Variants in OPHN1 observed in about 807,000 individuals in gnomAD.
OPHN1 encodes the protein oligophrenin-1.
A neutral mutation model predicts 60.7 loss-of-function variants in OPHN1; 11 were observed. The observed-to-expected ratio is 0.18, with a 90% confidence interval of 0.11 to 0.30. OPHN1 has a LOEUF of 0.30. Ranked by LOEUF, OPHN1 falls within the 10% of genes least tolerant of loss-of-function variation. OPHN1 has a pLI of 1.00. For missense variants in OPHN1, 449 were observed against 611.0 expected (o/e 0.73, Z 2.80); for synonymous variants, 226 against 222.6 (o/e 1.02, Z -0.14).
intron 4 of OPHN1, among the ~76,000 whole-genome samples, chrX:68,276,695 G>T (rs1388046596): frequency 9.0e-6 from 1 of 110,814 alleles, no homozygotes; most frequent in Non-Finnish European, 1.9e-5. Flanking sequence ...AATGTGAGTG[G>T]GCTTGTTAAT....
At chrX:68,290,616 AG>A (rs939418684) in intron 3 of OPHN1, among the ~76,000 whole-genome samples, 1 of 108,770 alleles carries the variant, frequency 9.2e-6, no homozygotes, top group African/African-American at 3.4e-5. Context: ...AAAGAAAGAA[AG>A]GGAAAAAAAA....
At chrX:68,084,387 C>T (rs778913247) in intron 19 of OPHN1, among the ~76,000 whole-genome samples, 3 of 65,067 alleles carry the variant, frequency 4.6e-5, no homozygotes, top group East Asian at 9.2e-4. Context: ...ACGGAGGGAA[C>T]GGAGGGAGAG....
intron 20 of OPHN1, chrX:68,070,768 C>T (rs765815498): frequency 1.1e-4 from 123 of 1,150,607 alleles, no homozygotes; most frequent in Non-Finnish European, 1.4e-4. Context: ...AGGACCATTC[C>T]ACACAATCTG....
chrX:68,161,940 G>T lies in OPHN1; in HGVS notation c.1276+30979C>A, dbSNP rs146835946. 6.8e-4 allele frequency among the ~76,000 whole-genome samples: 76 copies of T among 111,237 alleles called. 1 individual carries two copies. The East Asian group carries it at 0.012, about 18-fold the overall frequency. On this transcript the variant is annotated intron_variant, in intron 15 of 24. Transcript: ENST00000355520. ...GCACAGCAACATGAATGAATCTCTAGGTGATAATGTTGAGTAAAAAAAGAA... is the reference window on the plus strand; with the variant it reads ...GCACAGCAACATGAATGAATCTCTATGTGATAATGTTGAGTAAAAAAAGAA...
intron 2 of OPHN1, among the ~76,000 whole-genome samples, chrX:68,385,716 TAC>T (rs941576850): frequency 8.9e-5 from 10 of 111,941 alleles, no homozygotes; most frequent in African/African-American, 2.6e-4. Context: ...CTCACACATA[TAC>T]ACACACACAC....
chrX:68,229,282 T>C (rs991767035), intron 6 of OPHN1, among the ~76,000 whole-genome samples: 1 of 111,617 alleles, frequency 9.0e-6, no homozygotes, highest in Non-Finnish European at 1.9e-5. Context: ...GAAATGGAAG[T>C]ACATTCCATG....
intron 8 of OPHN1, 79 bp downstream of exon 8, chrX:68,212,029 T>C (rs975561867): frequency 2.9e-6 from 2 of 700,466 alleles, no homozygotes; most frequent in Non-Finnish European, 2.2e-6. Flanking sequence ...TAACCTAGAA[T>C]TCCAAGAATC....
chrX:68,230,824 T>G, intron 6 of OPHN1, among the ~76,000 whole-genome samples: 1 of 107,233 alleles, frequency 9.3e-6, no homozygotes. Context: ...AATGATGAGT[T>G]AATGGGTGCA....
chrX:68,172,956 C>T (rs2077398293), intron 15 of OPHN1, among the ~76,000 whole-genome samples: 1 of 111,121 alleles, frequency 9.0e-6, no homozygotes, highest in African/African-American at 3.3e-5. Context: ...TAGACAATTG[C>T]CTCCTGATGA....
At chrX:68,405,383 G>T (rs1440770553) in intron 2 of OPHN1, among the ~76,000 whole-genome samples, 2 of 111,627 alleles carry the variant, frequency 1.8e-5, no homozygotes, top group African/African-American at 6.5e-5. Flanking sequence ...TAGAGCGGAG[G>T]TCTCACTATG....
intron 10 of OPHN1, among the ~76,000 whole-genome samples, chrX:68,202,698 T>C (rs1195554214): frequency 9.2e-6 from 1 of 109,276 alleles, no homozygotes; most frequent in Non-Finnish European, 1.9e-5. Context: ...GATTTCACCA[T>C]GTTGGTCAGG....
At chrX:68,277,588 G>A (rs754043450) in intron 4 of OPHN1, among the ~76,000 whole-genome samples, 4 of 111,716 alleles carry the variant, frequency 3.6e-5, no homozygotes, top group African/African-American at 3.3e-5. Context: ...TCAGGGGTTC[G>A]AGACCAGCCT....
At chrX:68,178,440 A>G in intron 15 of OPHN1, among the ~76,000 whole-genome samples, 1 of 111,424 alleles carries the variant, frequency 9.0e-6, no homozygotes, top group African/African-American at 3.3e-5. Context: ...ATCTCTCTCT[A>G]CCACCTGGGC....
chrX:68,268,642 T>C (rs2077947600), intron 5 of OPHN1, among the ~76,000 whole-genome samples: 1 of 111,492 alleles, frequency 9.0e-6, no homozygotes, highest in Non-Finnish European at 1.9e-5. Context: ...TCATACTGAA[T>C]GGGCAAAAAC....
chrX:68,373,563 C>T (rs1241242509), intron 2 of OPHN1, among the ~76,000 whole-genome samples: 1 of 111,401 alleles, frequency 9.0e-6, no homozygotes, highest in African/African-American at 3.3e-5. Flanking sequence ...CCAATAAAAC[C>T]CATCTACCAG....
intron 5 of OPHN1, among the ~76,000 whole-genome samples, chrX:68,271,015 G>T (rs1181513117): frequency 9.0e-6 from 1 of 111,352 alleles, no homozygotes; most frequent in Non-Finnish European, 1.9e-5. Flanking sequence ...ATGAGAACTG[G>T]ATATGTATGA....
intron 9 of OPHN1, among the ~76,000 whole-genome samples, chrX:68,209,216 C>T (rs2077573282): frequency 8.9e-6 from 1 of 111,822 alleles, no homozygotes; most frequent in African/African-American, 3.3e-5. Flanking sequence ...TACAGGTGTG[C>T]ATAATGTTAC....
intron 6 of OPHN1, among the ~76,000 whole-genome samples, chrX:68,219,849 C>T (rs1436456023): frequency 9.9e-6 from 1 of 101,184 alleles, no homozygotes; most frequent in Non-Finnish European, 2.0e-5. Flanking sequence ...AAATTGTCAC[C>T]CTAACATCAC....
rs151222384 is a variant in OPHN1, at chrX:68,187,117, C to T, written c.1276+5802G>A. On this transcript the variant is annotated intron_variant, in intron 15 of 24. Coordinates refer to ENST00000355520, the MANE Select transcript of OPHN1 (RefSeq NM_002547.3). ...TCCAAAAAGGAAGAATCAAGAATGA[C>T]CTCGGGGTCCACTTAACAGCATCAG... 6.3e-3 allele frequency among the ~76,000 whole-genome samples: 702 copies of T among 111,933 alleles called. 8 individuals are homozygous for T. Among genetic ancestry groups the T allele is most frequent in the African/African-American group, 0.022 (671 of 30,790 alleles).
Sources: gnomAD v4.1 joint callset for allele counts (sites outside exome capture counted in the v4.1 genomes callset) on GRCh38, gnomAD v4.1.1 for gene constraint, MANE v1.5 for transcripts, NCBI Gene and HGNC (gene_info 2026-07-23, HGNC 2026-07-21) for gene names.